Variants in SLC16A6 observed in about 807,000 individuals in gnomAD.
SLC16A6 encodes the protein monocarboxylate transporter 7.
A neutral mutation model predicts 33.8 loss-of-function variants in SLC16A6; 15 were observed. The ratio of observed to expected loss-of-function variants is 0.44; its 90% CI spans 0.30 to 0.68. SLC16A6 has a LOEUF of 0.68. Among genes scored for constraint, SLC16A6 ranks in the 30% least tolerant of loss-of-function variants. The pLI is 0.10. For missense variants in SLC16A6, 451 were observed against 661.5 expected (o/e 0.68, Z 3.49); for synonymous variants, 219 against 248.4 (o/e 0.88, Z 1.11).
chr17:68,281,884 C>A (rs1011894624), intron 1 of SLC16A6, among the ~76,000 whole-genome samples: 1 of 152,166 alleles, frequency 6.6e-6, no homozygotes, highest in Non-Finnish European at 1.5e-5. Flanking sequence ...AATATAGGAA[C>A]ACTTTTACAC....
intron 5 of SLC16A6, 108 bp downstream of exon 5, chr17:68,270,731 A>G: frequency 1.0e-6 from 1 of 955,450 alleles, no homozygotes; most frequent in Non-Finnish European, 1.6e-6. Context: ...TCTAAAATTC[A>G]ATGGAAATAT....
At chr17:68,281,126 C>CA (rs782776858) in intron 1 of SLC16A6, among the ~76,000 whole-genome samples, 740 of 72,778 alleles carry the variant, frequency 0.01, 3 homozygotes, top group Middle Eastern at 0.02. Flanking sequence ...ACTCTGCCTC[C>CA]AAAAAAAAAA....
intron 1 of SLC16A6, among the ~76,000 whole-genome samples, chr17:68,280,389 A>G (rs557808872): frequency 3.9e-4 from 60 of 152,264 alleles, no homozygotes; most frequent in Non-Finnish European, 7.6e-4. Context: ...ACCTCAAAAT[A>G]TATGACAACA....
At chr17:68,273,828 A>G in intron 3 of SLC16A6, 99 bp downstream of exon 3, 4 of 1,405,038 alleles carry the variant, frequency 2.8e-6, no homozygotes, top group Non-Finnish European at 3.9e-6. Flanking sequence ...AAAAAAAGAA[A>G]GAGAAAGAAA....
intron 1 of SLC16A6, among the ~76,000 whole-genome samples, chr17:68,285,879 C>T (rs1294105217): frequency 2.0e-5 from 3 of 152,022 alleles, no homozygotes; most frequent in Non-Finnish European, 2.9e-5. Context: ...TTTGCGTCAG[C>T]CTCCCAAGTA....
intron 1 of SLC16A6, among the ~76,000 whole-genome samples, chr17:68,284,221 T>G (rs1448341249): frequency 6.7e-6 from 1 of 149,892 alleles, no homozygotes; most frequent in Non-Finnish European, 1.5e-5. Flanking sequence ...GCCAACATGG[T>G]GAAACCCGGT....
rs2075587296 is a variant in SLC16A6 at position 68,278,217 on chromosome 17, T to C, written c.104A>G (p.Glu35Gly). Reference sequence around the variant, plus strand: ...CTTGATGATGCCGTAGGTGAAGACTTCAACGAAGAAAAATGAAACAGCTAC... The same window carrying C: ...CTTGATGATGCCGTAGGTGAAGACTCCAACGAAGAAAAATGAAACAGCTAC... ...WAVAVSFFFV[E>G]VFTYGIIKTF... The change falls in exon 2 of 6, where the codon GAA becomes GGA. Residue 35 changes from glutamate to glycine, a missense_variant. Glu to Gly is a moderately conservative substitution (Grantham distance 98). Coordinates refer to ENST00000580666, the MANE Select transcript of SLC16A6 (RefSeq NM_004694.5). 6.2e-7 allele frequency: 1 copy of C among 1,614,062 alleles called. No individual in the cohort carries two copies. The highest frequency in any genetic ancestry group is 1.3e-5 in the African/African-American group (1 of 74,924).
rs369768355 is a variant in SLC16A6 at position 68,278,162 on chromosome 17, C to T, written c.159G>A (p.Met53Ile). The T allele has an allele frequency of 1.2e-6, 2 of 1,614,138 alleles. No homozygotes were observed. The highest frequency in any genetic ancestry group is 1.7e-6 in the Non-Finnish European group (2 of 1,179,990). The part of the protein sequence containing the change: ...KTFGVFFNDL[M>I]DSFNESNSRI... ...TGCTATTGGATTCATTAAAACTGTCCATTAAGTCATTAAAGAAGACACCAA... is the reference window on the plus strand; with the variant it reads ...TGCTATTGGATTCATTAAAACTGTCTATTAAGTCATTAAAGAAGACACCAA... Residue 53 changes from methionine (M) to isoleucine (I), a missense_variant, in exon 2 of 6, where the codon ATG becomes ATA. Transcript: ENST00000580666.
chr17:68,279,567 G>A (rs1167655217), intron 1 of SLC16A6, among the ~76,000 whole-genome samples: 1 of 152,114 alleles, frequency 6.6e-6, no homozygotes, highest in Non-Finnish European at 1.5e-5. Context: ...TATTATACAA[G>A]CCTGTAGGGC....
intron 1 of SLC16A6, among the ~76,000 whole-genome samples, chr17:68,282,006 T>C (rs974687140): frequency 2.6e-5 from 4 of 152,194 alleles, no homozygotes; most frequent in Non-Finnish European, 4.4e-5. Context: ...ACTGGGTATA[T>C]ACCCAAAGGA....
intron 3 of SLC16A6, 115 bp from the exon 4 acceptor site, chr17:68,272,882 G>A: frequency 7.9e-7 from 1 of 1,262,112 alleles, no homozygotes; most frequent in Non-Finnish European, 1.1e-6. Flanking sequence ...AGTTCTAGGA[G>A]CCAAGTAATT....
chr17:68,281,452 G>A (rs1555752787), intron 1 of SLC16A6, among the ~76,000 whole-genome samples: 1 of 151,954 alleles, frequency 6.6e-6, no homozygotes, highest in African/African-American at 2.4e-5. Context: ...CTCTACACCT[G>A]TAGTCCCAGC....
rs529982846 is a variant in SLC16A6 at position 68,271,834 on chromosome 17, C to T, written c.506-180G>A. On this transcript the variant is annotated intron_variant, in intron 4 of 5. Transcript: ENST00000580666. This position sits in a 1 kb window ranked among gnomAD's most constrained non-coding sequence, Gnocchi z 5.3. ...TTATTTACTTTTTGAGACAGAGTCT[C>T]ACTCTGTCACCAGGCTGGAGTGCAG... 5.9e-5 allele frequency among the ~76,000 whole-genome samples: 9 copies of T among 152,310 alleles called. No individual in the cohort carries two copies. Among genetic ancestry groups the T allele is most frequent in the Admixed American group, 5.2e-4 (8 of 15,300 alleles).
At chr17:68,277,831 G>A (rs532435848) in intron 2 of SLC16A6, among the ~76,000 whole-genome samples, 22 of 152,328 alleles carry the variant, frequency 1.4e-4, no homozygotes, top group Admixed American at 4.6e-4. Flanking sequence ...TCCTAAGAGT[G>A]TGCAGACAGC....
At chr17:68,280,072 C>T (rs2075643063) in intron 1 of SLC16A6, among the ~76,000 whole-genome samples, 1 of 150,928 alleles carries the variant, frequency 6.6e-6, no homozygotes, top group South Asian at 2.1e-4. Context: ...ATCCCAGCTA[C>T]TCAGGAAGCT....
chr17:68,282,081 G>C (rs1372402153), intron 1 of SLC16A6, among the ~76,000 whole-genome samples: 1 of 152,118 alleles, frequency 6.6e-6, no homozygotes, highest in Non-Finnish European at 1.5e-5. Context: ...ATTCACAACA[G>C]CAAAGACTTG....
At position 68,271,650 on chromosome 17, in the gene SLC16A6, G is replaced by C; in HGVS notation, c.510C>G (p.Ile170Met). Reference sequence around the variant, plus strand: ...AGCCAATGCGCTCCTTCAGAGCCATGATTGCTTGAATAGGCAGGAGTGAAG... The same window carrying C: ...AGCCAATGCGCTCCTTCAGAGCCATCATTGCTTGAATAGGCAGGAGTGAAG... ...CFAVFAFAPA[I>M]MALKERIGWR... Residue 170 changes from isoleucine (I) to methionine (M), a missense_variant, in exon 5 of 6, where the codon ATC becomes ATG. Ile to Met is a conservative substitution (Grantham distance 10, BLOSUM62 1). Transcript: ENST00000580666. This position sits in a 1 kb window ranked among gnomAD's most constrained non-coding sequence, Gnocchi z 5.3. The C allele has an allele frequency of 1.2e-6, 2 of 1,610,628 alleles. No homozygotes were observed. Among genetic ancestry groups the C allele is most frequent in the South Asian group, 2.2e-5 (2 of 91,000 alleles).
chr17:68,283,105 T>TGACA (rs2075749639), intron 1 of SLC16A6: 3 of 152,052 alleles, frequency 2.0e-5, no homozygotes, highest in African/African-American at 7.2e-5. Context: ...CTTGCCTGAA[T>TGACA]GACAGAGCAA....
chr17:68,287,283 C>T (rs544251296), intron 1 of SLC16A6, among the ~76,000 whole-genome samples: 16 of 151,954 alleles, frequency 1.1e-4, no homozygotes, highest in South Asian at 1.0e-3. Context: ...AACGATAGTG[C>T]TGGGATTACA....
Sources: gnomAD v4.1 joint callset for allele counts (sites outside exome capture counted in the v4.1 genomes callset) on GRCh38, gnomAD v4.1.1 for gene constraint, Gnocchi (gnomAD v3.1) non-coding constraint, MANE v1.5 for transcripts, NCBI Gene and HGNC (gene_info 2026-07-23, HGNC 2026-07-21) for gene names.